ASTN2: variants seen among roughly 807,000 people sequenced by gnomAD.
The protein encoded by ASTN2 is astrotactin 2.
ASTN2 carries 54 observed loss-of-function variants against 139.8 expected under a neutral mutation model. The observed-to-expected ratio is 0.39, with a 90% CI of 0.31 to 0.48. The LOEUF is 0.48. Among genes scored for constraint, ASTN2 ranks in the 20% least tolerant of loss-of-function variants. ASTN2 has a pLI of 0.95. For missense variants in ASTN2, 1,565 were observed against 1,725.1 expected, an observed-to-expected ratio of 0.91 and a Z score of 1.64; for synonymous variants, 756 against 719.5, an observed-to-expected ratio of 1.05 and a Z score of -0.81.
At chr9:117,116,490 A>G (rs903177473) in intron 4 of ASTN2, among the ~76,000 whole-genome samples, 10 of 152,156 alleles carry the variant, frequency 6.6e-5, no homozygotes, top group Non-Finnish European at 1.0e-4. Context: ...ACAATCAGGA[A>G]CAACAGATTC....
At chr9:116,432,813 C>T (rs1469181351) in intron 22 of ASTN2, among the ~76,000 whole-genome samples, 2 of 152,066 alleles carry the variant, frequency 1.3e-5, no homozygotes, top group African/African-American at 2.4e-5. Context: ...GCCTGTAATC[C>T]CAGGTACTTG....
intron 13 of ASTN2, among the ~76,000 whole-genome samples, chr9:116,760,012 G>A (rs558475490): frequency 9.2e-5 from 14 of 152,302 alleles, no homozygotes; most frequent in Admixed American, 1.3e-4. Context: ...GAAAAGATAC[G>A]AAGTGCCAGA....
intron 3 of ASTN2, among the ~76,000 whole-genome samples, chr9:117,208,462 G>T (rs1832011162): frequency 6.6e-6 from 1 of 151,136 alleles, no homozygotes; most frequent in Non-Finnish European, 1.5e-5. Context: ...GAGTCAAAAA[G>T]AAAAGAAAAG....
chr9:116,716,144 C>T (rs1264619141), intron 16 of ASTN2, among the ~76,000 whole-genome samples: 5 of 152,178 alleles, frequency 3.3e-5, no homozygotes, highest in African/African-American at 9.7e-5. Context: ...CTGTCTGGGA[C>T]TGTGACTGTG....
At chr9:116,796,388 T>C (rs1479609243) in intron 13 of ASTN2, among the ~76,000 whole-genome samples, 1 of 152,150 alleles carries the variant, frequency 6.6e-6, no homozygotes, top group Non-Finnish European at 1.5e-5. Context: ...ATGGTGGGTC[T>C]TGGTGCAGCC....
At chr9:117,396,693 G>A (rs1830684554) in intron 1 of ASTN2, among the ~76,000 whole-genome samples, 1 of 151,928 alleles carries the variant, frequency 6.6e-6, no homozygotes, top group African/African-American at 2.4e-5. Context: ...AGCTTCCTGA[G>A]TTGCTGGGAT....
intron 5 of ASTN2, among the ~76,000 whole-genome samples, chr9:117,045,708 G>T (rs1838715375): frequency 6.6e-6 from 1 of 152,042 alleles, no homozygotes; most frequent in South Asian, 2.1e-4. Flanking sequence ...ATTTTATAAT[G>T]AAAAAATAGA....
intron 2 of ASTN2, among the ~76,000 whole-genome samples, chr9:117,287,803 G>A (rs1834487407): frequency 6.6e-6 from 1 of 152,146 alleles, no homozygotes; most frequent in Non-Finnish European, 1.5e-5. Context: ...AATATTAATA[G>A]CCATTTGTGA....
intron 5 of ASTN2, among the ~76,000 whole-genome samples, chr9:117,046,837 A>G (rs965179488): frequency 9.8e-5 from 15 of 152,342 alleles, no homozygotes; most frequent in South Asian, 2.1e-4. Context: ...TATTGAATGA[A>G]TGAATGAGTG....
At chr9:117,118,428 G>A (rs935730730) in intron 4 of ASTN2, among the ~76,000 whole-genome samples, 1 of 151,890 alleles carries the variant, frequency 6.6e-6, no homozygotes, top group Non-Finnish European at 1.5e-5. Flanking sequence ...AAATCCTAAG[G>A]TTTGATCATT....
chr9:116,778,165 C>T (rs10491576), intron 13 of ASTN2, among the ~76,000 whole-genome samples: 136,376 of 152,056 alleles, frequency 0.9, 61,863 homozygotes, highest in East Asian at 1. Flanking sequence ...TCCCAAGTGA[C>T]GTCTATGCTG....
chr9:116,523,501 C>G (rs1457341293), intron 19 of ASTN2, among the ~76,000 whole-genome samples: 1 of 152,182 alleles, frequency 6.6e-6, no homozygotes, highest in African/African-American at 2.4e-5. Context: ...TACTAAACAT[C>G]TCTGAGCTTC....
intron 7 of ASTN2, among the ~76,000 whole-genome samples, chr9:117,006,644 T>A (rs1837361078): frequency 6.6e-6 from 1 of 152,146 alleles, no homozygotes; most frequent in Non-Finnish European, 1.5e-5. Context: ...AGCATGTTGC[T>A]TCTTTACTGA....
chr9:116,967,276 A>G (rs1018331875), intron 10 of ASTN2, among the ~76,000 whole-genome samples: 2 of 152,220 alleles, frequency 1.3e-5, no homozygotes, highest in African/African-American at 4.8e-5. Flanking sequence ...ACTGAGGCTC[A>G]CAAAGTTTAC....
intron 20 of ASTN2, among the ~76,000 whole-genome samples, chr9:116,470,903 A>G (rs1239009871): frequency 6.6e-6 from 1 of 152,224 alleles, no homozygotes; most frequent in South Asian, 2.1e-4. Context: ...GGTTACCTAC[A>G]TTGGGACAAG....
chr9:116,935,225 AC>A (rs1835034634), intron 10 of ASTN2, among the ~76,000 whole-genome samples: 1 of 152,212 alleles, frequency 6.6e-6, no homozygotes, highest in African/African-American at 2.4e-5. Context: ...ATGGTTCAAT[AC>A]ATAGAGGATT....
chr9:117,143,801 A>C (rs1397705406), intron 3 of ASTN2, among the ~76,000 whole-genome samples: 1 of 148,720 alleles, frequency 6.7e-6, no homozygotes, highest in African/African-American at 2.5e-5. Context: ...GGAAAGAGAG[A>C]GAGAAAGAGA....
chr9:116,898,933 C>T (rs552382917), intron 10 of ASTN2, among the ~76,000 whole-genome samples: 2 of 152,240 alleles, frequency 1.3e-5, no homozygotes, highest in African/African-American at 4.8e-5. Flanking sequence ...GCCTTGACCT[C>T]CTAAAATGCT....
intron 4 of ASTN2, among the ~76,000 whole-genome samples, chr9:117,100,527 T>G (rs1276584475): frequency 6.6e-6 from 1 of 152,258 alleles, no homozygotes; most frequent in Non-Finnish European, 1.5e-5. Flanking sequence ...ATTTTATATA[T>G]TTTTCATAAG....
Sources: allele counts gnomAD v4.1 joint callset (sites outside exome capture counted in the v4.1 genomes callset), GRCh38; gene constraint gnomAD v4.1.1; transcripts MANE v1.5; gene names NCBI Gene and HGNC (gene_info 2026-07-23, HGNC 2026-07-21).